The following PLAAT1 variants were observed in gnomAD, a reference collection of about 807,000 sequenced individuals.
PLAAT1 encodes phospholipase A and acyltransferase 1.
A neutral mutation model predicts 16.4 loss-of-function variants in PLAAT1; 13 were observed. The observed-to-expected ratio is 0.79, with a 90% CI of 0.52 to 1.26. The LOEUF (loss-of-function observed/expected upper bound fraction) is 1.26. Among genes scored for constraint, PLAAT1 ranks in the 50% most tolerant of loss-of-function variants. PLAAT1 has a pLI of 0.00. For synonymous variants in PLAAT1, 73 were observed against 78.4 expected, an observed-to-expected ratio of 0.93 and a Z score of 0.36; for missense variants, 218 against 207.8, an observed-to-expected ratio of 1.05 and a Z score of -0.30.
At chr3:193,271,043 CTATT>C (rs1716968681), downstream of PLAAT1, among the ~76,000 whole-genome samples, 1 of 152,128 alleles carries the variant, frequency 6.6e-6, no homozygotes, top group African/African-American at 2.4e-5. Context: ...GCATGAAAGA[CTATT>C]TATATATGGT....
At chr3:193,250,001 T>A (rs1490987160) in intron 1 of PLAAT1, among the ~76,000 whole-genome samples, 1 of 152,134 alleles carries the variant, frequency 6.6e-6, no homozygotes, top group Non-Finnish European at 1.5e-5. Context: ...GGAGATTTAA[T>A]TTATCTTGTT....
chr3:193,242,935 TAAAA>T (rs1417191236), intron 1 of PLAAT1, among the ~76,000 whole-genome samples: 2 of 152,180 alleles, frequency 1.3e-5, no homozygotes, highest in Non-Finnish European at 2.9e-5. Context: ...GAGTAGTTGT[TAAAA>T]AAGTGCTCTT....
At chr3:193,251,020 T>C (rs957897158) in intron 1 of PLAAT1, among the ~76,000 whole-genome samples, 1 of 151,452 alleles carries the variant, frequency 6.6e-6, no homozygotes, top group Non-Finnish European at 1.5e-5. Context: ...AGAAGTGCAG[T>C]GAGTGCCTAT....
At chr3:193,270,117 A>ACTTAC (rs1391518573) in intron 3 of PLAAT1, among the ~76,000 whole-genome samples, 2 of 146,038 alleles carry the variant, frequency 1.4e-5, no homozygotes, top group Non-Finnish European at 1.5e-5. Context: ...CTTACACGAT[A>ACTTAC]CTTACTTTGG....
At chr3:193,243,328 A>G (rs1715851839) in intron 1 of PLAAT1, among the ~76,000 whole-genome samples, 1 of 128,486 alleles carries the variant, frequency 7.8e-6, no homozygotes, top group South Asian at 2.5e-4. Flanking sequence ...GATGTGGTCC[A>G]TGTAAAACTT....
In PLAAT1 at chr3:193,262,033, A is replaced by T. The variant is rs774024608; in HGVS notation, c.140-937A>T. On this transcript the variant is annotated intron_variant, in intron 2 of 3. Coordinates refer to ENST00000264735, the MANE Select transcript of PLAAT1 (RefSeq NM_020386.5). ...AAGAGAAAGTTTCTAAACACTAGTT[A>T]TGTGGAGACTCTCTCTCATGATTGA... 3.7e-4 allele frequency among the ~76,000 whole-genome samples: 57 copies of T among 152,320 alleles called. 1 individual carries two copies. Among genetic ancestry groups the T allele is most frequent in the Non-Finnish European group, 6.0e-4 (41 of 68,024 alleles).
intron 2 of PLAAT1, among the ~76,000 whole-genome samples, chr3:193,260,333 A>T (rs1307661788): frequency 6.6e-6 from 1 of 152,210 alleles, no homozygotes; most frequent in African/African-American, 2.4e-5. Flanking sequence ...AATGAATTGC[A>T]ACAAGAACAA....
At chr3:193,263,292 A>C in intron 3 of PLAAT1, 57 bp downstream of exon 3, 1 of 1,534,356 alleles carries the variant, frequency 6.5e-7, no homozygotes, top group Non-Finnish European at 8.9e-7. Flanking sequence ...ATTGGCTATG[A>C]TAAGGTTCCC....
At chr3:193,252,318 A>G (rs916027308) in intron 1 of PLAAT1, among the ~76,000 whole-genome samples, 3 of 152,168 alleles carry the variant, frequency 2.0e-5, no homozygotes, top group South Asian at 2.1e-4. Context: ...ACCAGACCCC[A>G]CCTCCAACAC....
Position 193,263,150 on chromosome 3 carries a change from G to A in PLAAT1, c.320G>A (p.Gly107Glu). 4 of 1,614,164 alleles carry A rather than the reference G, an allele frequency of 2.5e-6. No individual in the cohort carries two copies. The highest frequency in any genetic ancestry group is 3.4e-6 in the Non-Finnish European group (4 of 1,180,014). The change falls in exon 3 of 4, where the codon GGA (glycine) becomes GAA (glutamate). Residue 107 changes from glycine to glutamate, a missense_variant. Physicochemically the swap from Gly to Glu is moderately conservative, Grantham distance 98. Transcript: ENST00000264735. ...ATAAAGCGGTCAGAGTTTGTAATTG[G>A]ACAGGAGGTGGCCTATAACTTACTT... The part of the protein sequence containing the change: ...EIIKRSEFVI[G>E]QEVAYNLLVN...
chr3:193,241,646 AC>A, intron 1 of PLAAT1, 113 bp downstream of exon 1: 3 of 698,244 alleles, frequency 4.3e-6, no homozygotes, highest in Non-Finnish European at 6.0e-6. Flanking sequence ...GAGCTTATCC[AC>A]CCTCCTCTTT....
At chr3:193,240,746 G>T (rs1048121515), upstream of PLAAT1, among the ~76,000 whole-genome samples, 14 of 151,058 alleles carry the variant, frequency 9.3e-5, no homozygotes, top group African/African-American at 3.4e-4. Flanking sequence ...TGTGTAAGCA[G>T]TGAGGTTGTT....
upstream of PLAAT1, chr3:193,241,156 G>C (rs945826490): frequency 1.8e-4 from 217 of 1,179,616 alleles, 2 homozygotes; most frequent in Admixed American, 8.7e-5. Context: ...CTGGGCTCGG[G>C]GCCAAGCGAG....
chr3:193,260,999 C>G (rs1364324327), intron 2 of PLAAT1, among the ~76,000 whole-genome samples: 1 of 152,050 alleles, frequency 6.6e-6, no homozygotes, highest in African/African-American at 2.4e-5. Flanking sequence ...TGGGTGATTC[C>G]TGTATACATT....
chr3:193,267,394 A>AT (rs35197069), intron 3 of PLAAT1, among the ~76,000 whole-genome samples: 1,750 of 149,964 alleles, frequency 0.012, 38 homozygotes, highest in African/African-American at 0.04. Context: ...ACAACCATTG[A>AT]TTTTTTTTTT....
In PLAAT1 at chr3:193,255,791, T is replaced by C; in HGVS notation, c.139+2T>C. 6.3e-7 allele frequency: 1 copy of C among 1,580,788 alleles called. No homozygotes were observed. The highest frequency in any genetic ancestry group is 8.6e-7 in the Non-Finnish European group (1 of 1,161,122). ...ACGTTATCAACATAGCACCTGTAGGTGAGGTTTATTTCCAGTGGCTCCTGG... is the reference window on the plus strand; with the variant it reads ...ACGTTATCAACATAGCACCTGTAGGCGAGGTTTATTTCCAGTGGCTCCTGG... On this transcript the variant is annotated splice_donor_variant, in intron 2 of 3. Coordinates refer to ENST00000264735, the MANE Select transcript of PLAAT1 (RefSeq NM_020386.5). LOFTEE classifies it high-confidence loss of function.
upstream of PLAAT1, chr3:193,241,123 G>A (rs1395351944): frequency 4.8e-5 from 38 of 792,860 alleles, 1 homozygote; most frequent in African/African-American, 2.2e-3. Flanking sequence ...TTCCCCGGCG[G>A]GCGGGCGGGC....
At chr3:193,250,364 C>A (rs899433904) in intron 1 of PLAAT1, among the ~76,000 whole-genome samples, 8 of 152,086 alleles carry the variant, frequency 5.3e-5, no homozygotes, top group African/African-American at 1.9e-4. Context: ...AAGCTTTGAG[C>A]AGAGTTTAAT....
intron 2 of PLAAT1, among the ~76,000 whole-genome samples, chr3:193,258,864 C>T (rs923017937): frequency 2.6e-5 from 4 of 152,202 alleles, no homozygotes; most frequent in South Asian, 4.1e-4. Context: ...GAAACTACTC[C>T]AAAAACCCCA....
Sources: allele counts gnomAD v4.1 joint callset (sites outside exome capture counted in the v4.1 genomes callset), GRCh38; gene constraint gnomAD v4.1.1; transcripts MANE v1.5; gene names NCBI Gene and HGNC (gene_info 2026-07-23, HGNC 2026-07-21).